Variants in RAPGEF5 observed in about 807,000 individuals in gnomAD.
The protein encoded by RAPGEF5 is Rap guanine nucleotide exchange factor 5.
A neutral mutation model predicts 125.2 loss-of-function variants in RAPGEF5; 65 were observed. The observed-to-expected ratio is 0.52, with a 90% CI of 0.43 to 0.64. RAPGEF5 has a LOEUF of 0.64. Among genes scored for constraint, RAPGEF5 ranks in the 30% least tolerant of loss-of-function variants. RAPGEF5 has a pLI of 0.00. For synonymous variants in RAPGEF5, 391 were observed against 385.9 expected (o/e 1.01, Z -0.16); for missense variants, 958 against 1,048.1 (o/e 0.91, Z 1.19).
chr7:22,227,934 A>G (rs1419298447), intron 8 of RAPGEF5, among the ~76,000 whole-genome samples: 1 of 152,246 alleles, frequency 6.6e-6, no homozygotes, highest in African/African-American at 2.4e-5. Context: ...ATTTTGACAA[A>G]GATTCTTAAA....
intron 7 of RAPGEF5, among the ~76,000 whole-genome samples, chr7:22,251,646 T>C (rs2128138386): frequency 6.6e-6 from 1 of 152,170 alleles, no homozygotes; most frequent in South Asian, 2.1e-4. Context: ...TCTGATTTGG[T>C]ATCACTAACC....
chr7:22,317,691 G>A (rs1783631272), intron 2 of RAPGEF5, among the ~76,000 whole-genome samples: 5 of 151,958 alleles, frequency 3.3e-5, no homozygotes, highest in Admixed American at 2.0e-4. Flanking sequence ...TATTTATATC[G>A]TATTTATATT....
chr7:22,193,599 C>T (rs1386764102), intron 10 of RAPGEF5, 144 bp from the exon 11 acceptor site: 4 of 1,550,902 alleles, frequency 2.6e-6, no homozygotes, highest in Middle Eastern at 1.7e-4. Flanking sequence ...GGTCTGAGAG[C>T]GCCGCGGCGG....
chr7:22,239,379 T>G (rs1034717380), intron 7 of RAPGEF5, among the ~76,000 whole-genome samples: 2 of 152,278 alleles, frequency 1.3e-5, no homozygotes, highest in Admixed American at 1.3e-4. Flanking sequence ...AATAAAGGTG[T>G]GCTGTATGTT....
intron 9 of RAPGEF5, among the ~76,000 whole-genome samples, chr7:22,198,646 T>C (rs1450349001): frequency 6.6e-6 from 1 of 152,132 alleles, no homozygotes; most frequent in African/African-American, 2.4e-5. Flanking sequence ...CACTGCCATA[T>C]GCAACAAACA....
At chr7:22,190,913 C>T (rs1285105713) in intron 11 of RAPGEF5, among the ~76,000 whole-genome samples, 1 of 152,184 alleles carries the variant, frequency 6.6e-6, no homozygotes, top group Non-Finnish European at 1.5e-5. Context: ...CACCATATGG[C>T]TACACGCGGC....
Position 22,140,022 on chromosome 7 carries a change from C to A in RAPGEF5, c.2277+3G>T, listed in dbSNP as rs762821423. The A allele has an allele frequency of 6.4e-7, 1 of 1,559,726 alleles. No individual in the cohort carries two copies. The highest frequency in any genetic ancestry group is 1.2e-5 in the South Asian group (1 of 84,360). On this transcript the variant is annotated splice_donor_region_variant and intron_variant, in intron 21 of 25. Transcript: ENST00000665637. ...CCCCTCACCATGGGACTCCAAGGCT[C>A]ACCTCCCAGGTCTGCGACAGTCGAC...
At chr7:22,169,584 G>A (rs1408175535) in intron 11 of RAPGEF5, among the ~76,000 whole-genome samples, 3 of 151,814 alleles carry the variant, frequency 2.0e-5, no homozygotes, top group Non-Finnish European at 4.4e-5. Flanking sequence ...GCCAGGTGTG[G>A]TGGCTCACGC....
chr7:22,134,898 C>T (rs1452470703), intron 23 of RAPGEF5, among the ~76,000 whole-genome samples: 5 of 152,158 alleles, frequency 3.3e-5, no homozygotes, highest in Admixed American at 3.3e-4. Context: ...GCTTGGATGA[C>T]GCATCTGTGC....
At chr7:22,318,939 T>C (rs1783659046) in intron 1 of RAPGEF5, among the ~76,000 whole-genome samples, 1 of 152,232 alleles carries the variant, frequency 6.6e-6, no homozygotes, top group South Asian at 2.1e-4. Context: ...ACTGCTTTGC[T>C]TTCATGGCAT....
chr7:22,186,137 A>G (rs1230180756), intron 11 of RAPGEF5, among the ~76,000 whole-genome samples: 2 of 152,200 alleles, frequency 1.3e-5, no homozygotes, highest in Admixed American at 6.5e-5. Context: ...GCTGAAAAAG[A>G]CTAAGTAGCA....
intron 5 of RAPGEF5, among the ~76,000 whole-genome samples, chr7:22,305,220 A>C (rs947970595): frequency 5.9e-5 from 9 of 152,210 alleles, no homozygotes; most frequent in African/African-American, 1.9e-4. Context: ...TACCTGTCTT[A>C]TAACATTCTT....
At chr7:22,345,111 G>A (rs954094008) in intron 1 of RAPGEF5, among the ~76,000 whole-genome samples, 2 of 152,170 alleles carry the variant, frequency 1.3e-5, no homozygotes, top group African/African-American at 4.8e-5. Context: ...AGCCCTCCAG[G>A]GATTCTGATG....
At chr7:22,203,770 G>T (rs1785333781) in intron 9 of RAPGEF5, among the ~76,000 whole-genome samples, 1 of 152,184 alleles carries the variant, frequency 6.6e-6, no homozygotes, top group African/African-American at 2.4e-5. Context: ...CTCCTCAGCA[G>T]TGCCTCAGTT....
chr7:22,346,138 G>C (rs1335057378), intron 1 of RAPGEF5, among the ~76,000 whole-genome samples: 1 of 152,108 alleles, frequency 6.6e-6, no homozygotes, highest in Non-Finnish European at 1.5e-5. Context: ...GCCAGACAAG[G>C]AACAAGAAAT....
chr7:22,337,059 G>C (rs114460165), intron 1 of RAPGEF5, among the ~76,000 whole-genome samples: 9 of 152,200 alleles, frequency 5.9e-5, no homozygotes, highest in African/African-American at 2.2e-4. Flanking sequence ...GTCAAGACAG[G>C]GGAATGGCAA....
At chr7:22,265,011 A>G (rs994413828) in intron 7 of RAPGEF5, among the ~76,000 whole-genome samples, 2 of 152,176 alleles carry the variant, frequency 1.3e-5, no homozygotes, top group Admixed American at 1.3e-4. Flanking sequence ...TAATAATTGT[A>G]CATATTTGTA....
chr7:22,327,171 A>G (rs759200404), intron 1 of RAPGEF5, among the ~76,000 whole-genome samples: 71 of 152,328 alleles, frequency 4.7e-4, no homozygotes, highest in Non-Finnish European at 9.0e-4. Flanking sequence ...CCATAAGTGT[A>G]AAGTGTTGTT....
chr7:22,257,785 G>A (rs1782036620), intron 7 of RAPGEF5, among the ~76,000 whole-genome samples: 1 of 152,166 alleles, frequency 6.6e-6, no homozygotes, highest in Non-Finnish European at 1.5e-5. Context: ...TCAGGGTGGG[G>A]AGGGGTTGTA....
Sources: allele counts gnomAD v4.1 joint callset (sites outside exome capture counted in the v4.1 genomes callset), GRCh38; gene constraint gnomAD v4.1.1; transcripts MANE v1.5; gene names NCBI Gene and HGNC (gene_info 2026-07-23, HGNC 2026-07-21).